Variants in OLAH observed in about 807,000 individuals in gnomAD.
The protein encoded by OLAH is S-acyl fatty acid synthase thioesterase, medium chain.
In OLAH, 33 loss-of-function variants were observed where a neutral mutation model predicts 27.8. The observed-to-expected ratio is 1.19, with a 90% CI of 0.90 to 1.59. The LOEUF is 1.59. OLAH is among the 40% of genes most tolerant of loss of function. The probability of loss-of-function intolerance (pLI) is 0.00; values close to 1 mark genes in which losing one functional copy is unlikely to be tolerated. For missense variants in OLAH, 359 were observed against 310.8 expected, an observed-to-expected ratio of 1.16 and a Z score of -1.17; for synonymous variants, 120 against 102.9, an observed-to-expected ratio of 1.17 and a Z score of -1.01.
At chr10:15,037,580 C>CA (rs66522152) in intron 1 of OLAH, among the ~76,000 whole-genome samples, 39 of 141,254 alleles carry the variant, frequency 2.8e-4, no homozygotes, top group Non-Finnish European at 4.2e-4. Context: ...GACTCCGTAT[C>CA]AAAAAAAAAA....
At chr10:15,062,824 C>T (rs1844395081) in intron 4 of OLAH, among the ~76,000 whole-genome samples, 1 of 151,416 alleles carries the variant, frequency 6.6e-6, no homozygotes, top group Non-Finnish European at 1.5e-5. Context: ...TTGCAACCTA[C>T]ACCTCATGGG....
In OLAH at chr10:15,061,849, T is replaced by G. The variant is rs138615083; in HGVS notation, c.289T>G (p.Phe97Val). 2 of 1,612,032 alleles carry G rather than the reference T, an allele frequency of 1.2e-6. No individual in the cohort carries two copies. Among genetic ancestry groups the G allele is most frequent in the Non-Finnish European group, 8.5e-7 (1 of 1,179,100 alleles). Reference sequence around the variant, plus strand: ...AGTCATCCAGGATAAACCATTTGCATTTTTTGGCCACAGGTATTTGATATC... The same window carrying G: ...AGTCATCCAGGATAAACCATTTGCAGTTTTTGGCCACAGGTATTTGATATC... ...QPVIQDKPFA[F>V]FGHSMGSYIA... Residue 97 changes from phenylalanine (F) to valine (V), a missense_variant, in exon 4 of 8, where the codon TTT (phenylalanine) becomes GTT (valine). Transcript: ENST00000378228.
upstream of OLAH, among the ~76,000 whole-genome samples, chr10:15,041,339 T>C (rs1843917132): frequency 6.7e-6 from 1 of 150,238 alleles, no homozygotes; most frequent in African/African-American, 2.5e-5. Flanking sequence ...AGTGCAATGG[T>C]GCGATCTTGG....
intron 3 of OLAH, among the ~76,000 whole-genome samples, chr10:15,050,944 G>T (rs544154903): frequency 9.9e-5 from 15 of 151,834 alleles, no homozygotes; most frequent in Non-Finnish European, 1.6e-4. Context: ...TGTCTCTATT[G>T]CCTTATTAGC....
intron 1 of OLAH, among the ~76,000 whole-genome samples, chr10:15,037,156 T>TA (rs35730648): frequency 1.0e-3 from 146 of 142,178 alleles, no homozygotes; most frequent in African/African-American, 2.4e-3. Flanking sequence ...CACATAACAT[T>TA]AAAAAAAAAA....
chr10:15,071,913 A>G (rs773578970), intron 7 of OLAH, 36 bp downstream of exon 7: 1 of 1,498,412 alleles, frequency 6.7e-7, no homozygotes, highest in Non-Finnish European at 9.3e-7. Context: ...TTGTATTGAA[A>G]TATATGTTTG....
upstream of OLAH, among the ~76,000 whole-genome samples, chr10:15,041,764 C>T (rs1431101209): frequency 2.6e-5 from 4 of 151,904 alleles, no homozygotes; most frequent in Middle Eastern, 3.4e-3. Context: ...TTAGTAGAGA[C>T]GGGGTTTCAC....
chr10:15,053,192 C>T (rs1198439314), intron 3 of OLAH, among the ~76,000 whole-genome samples: 1 of 151,980 alleles, frequency 6.6e-6, no homozygotes, highest in Non-Finnish European at 1.5e-5. Context: ...CAGGAGAGGC[C>T]CCTCCACCCC....
rs778378604 is a variant in OLAH, at chr10:15,047,295, AGAG to A, written c.11_13del (p.Gly4del). The A allele has an allele frequency of 2.4e-5, 39 of 1,613,334 alleles. No individual in the cohort carries two copies. Among genetic ancestry groups the A allele is most frequent in the Non-Finnish European group, 3.3e-5 (39 of 1,179,702 alleles). On this transcript the variant is annotated inframe_deletion, in exon 2 of 8. Transcript: ENST00000378228. ...TGCAACCTCACCTCACAGCATGGAG[AGAG>A]GAGACCAACCTAAGAGAACCAGGCA...
chr10:15,046,408 A>C (rs913953049), intron 1 of OLAH, among the ~76,000 whole-genome samples: 1 of 152,148 alleles, frequency 6.6e-6, no homozygotes, highest in Admixed American at 6.5e-5. Flanking sequence ...TGAAGATTGC[A>C]AAATGGGAAG....
At chr10:15,039,148 C>G (rs59320248), upstream of OLAH, among the ~76,000 whole-genome samples, 502 of 152,070 alleles carry the variant, frequency 3.3e-3, 4 homozygotes, top group African/African-American at 0.011. Flanking sequence ...ATTGCTTGAG[C>G]CTGGGAAGTT....
chr10:15,064,330 C>A, intron 4 of OLAH, 73 bp from the exon 5 acceptor site: 1 of 810,256 alleles, frequency 1.2e-6, no homozygotes, highest in Non-Finnish European at 2.1e-6. Flanking sequence ...TGATACTGTT[C>A]CTTTTGACTT....
intron 3 of OLAH, among the ~76,000 whole-genome samples, chr10:15,060,945 A>T (rs949433029): frequency 1.3e-5 from 2 of 152,134 alleles, no homozygotes; most frequent in African/African-American, 4.8e-5. Context: ...TTGATGTTTG[A>T]TTCTGGAGAT....
upstream of OLAH, among the ~76,000 whole-genome samples, chr10:15,039,472 G>C (rs908859190): frequency 3.3e-5 from 5 of 152,160 alleles, no homozygotes; most frequent in African/African-American, 1.2e-4. Flanking sequence ...AGCTACTTGG[G>C]AGGCTGAGGC....
intron 1 of OLAH, among the ~76,000 whole-genome samples, chr10:15,034,776 C>T (rs10906811): frequency 0.4 from 60,319 of 150,586 alleles, 12,807 homozygotes; most frequent in East Asian, 0.68. Context: ...GTACTGCAGA[C>T]AGTTTTCATT....
chr10:15,052,573 A>G (rs757326748), intron 3 of OLAH, among the ~76,000 whole-genome samples: 18 of 152,178 alleles, frequency 1.2e-4, no homozygotes, highest in Non-Finnish European at 2.4e-4. Flanking sequence ...GTATCTGGCC[A>G]GGAGATAAAT....
intron 2 of OLAH, among the ~76,000 whole-genome samples, chr10:15,048,012 C>G (rs992151252): frequency 2.0e-5 from 3 of 152,164 alleles, no homozygotes; most frequent in Admixed American, 2.0e-4. Flanking sequence ...CATCATTATA[C>G]TAGGGTTTAG....
Position 15,049,839 on chromosome 10 carries a change from G to T in OLAH, c.163+74G>T, listed in dbSNP as rs894644634. Reference sequence around the variant, plus strand: ...ATAAATGTATTAGAATTTGAAGTTTGGTCAAGACTTTCCTTCCTGGTAGGT... The same window carrying T: ...ATAAATGTATTAGAATTTGAAGTTTTGTCAAGACTTTCCTTCCTGGTAGGT... On this transcript the variant is annotated intron_variant, in intron 3 of 7. Coordinates refer to ENST00000378228, the MANE Select transcript of OLAH (RefSeq NM_001039702.3). 2.8e-6 allele frequency: 4 copies of T among 1,424,310 alleles called. No individual in the cohort carries two copies. The East Asian group carries it at 9.8e-5, about 35-fold the overall frequency. 88.2% of individuals were successfully genotyped at this position (1,424,310 alleles called of 1,614,324 possible).
intron 6 of OLAH, among the ~76,000 whole-genome samples, chr10:15,071,363 G>T (rs1205486075): frequency 6.6e-6 from 1 of 152,140 alleles, no homozygotes; most frequent in Non-Finnish European, 1.5e-5. Flanking sequence ...GTTTCTCCAC[G>T]TGCCCCTAGT....
Sources: allele counts gnomAD v4.1 joint callset (sites outside exome capture counted in the v4.1 genomes callset), GRCh38; gene constraint gnomAD v4.1.1; transcripts MANE v1.5; gene names NCBI Gene and HGNC (gene_info 2026-07-23, HGNC 2026-07-21).